Variants in CSMD1 observed in about 807,000 individuals in gnomAD.
The protein encoded by CSMD1 is CUB and sushi domain-containing protein 1.
A neutral mutation model predicts 417.5 loss-of-function variants in CSMD1; 213 were observed. That is an observed-to-expected ratio of 0.51 (90% CI 0.46 to 0.57). The LOEUF is 0.57. CSMD1 is among the 20% of genes least tolerant of loss of function. The pLI is 0.00. For missense variants in CSMD1, 6,923 were observed against 4,529.7 expected, an observed-to-expected ratio of 1.53 and a Z score of -15.17; for synonymous variants, 2,862 against 1,736.8, an observed-to-expected ratio of 1.65 and a Z score of -16.11.
chr8:4,687,991 C>T (rs147694091), intron 1 of CSMD1, among the ~76,000 whole-genome samples: 1 of 152,234 alleles, frequency 6.6e-6, no homozygotes, highest in East Asian at 1.9e-4. Context: ...CTTCTTGATT[C>T]TATCTGGTGT....
chr8:3,236,612 G>A (rs778900777), intron 26 of CSMD1, among the ~76,000 whole-genome samples: 1 of 152,192 alleles, frequency 6.6e-6, no homozygotes, highest in African/African-American at 2.4e-5. Context: ...CACTCCATTA[G>A]GGGCAGAAAC....
intron 8 of CSMD1, among the ~76,000 whole-genome samples, chr8:3,610,013 G>T (rs180954984): frequency 1.3e-5 from 2 of 151,620 alleles, no homozygotes; most frequent in African/African-American, 2.4e-5. Flanking sequence ...TGTTGGCCAG[G>T]CTGGTCTCAA....
rs566548269 is a variant in CSMD1 at position 4,374,836 on chromosome 8, G to C, written c.415+45117C>G. Among the ~76,000 whole-genome samples the C allele has an allele frequency of 4.6e-5, 7 of 152,040 alleles. No homozygotes were observed. In the South Asian group the frequency reaches 1.2e-3, roughly 27 times the overall value. On this transcript the variant is annotated intron_variant, in intron 3 of 69. Coordinates refer to ENST00000635120, the MANE Select transcript of CSMD1 (RefSeq NM_033225.6). ...AAAACGGCCTGCTGAGCAAAGTCTAGAGTGAATTTAAAGAACCTAGGGGCT... is the reference window on the plus strand; with the variant it reads ...AAAACGGCCTGCTGAGCAAAGTCTACAGTGAATTTAAAGAACCTAGGGGCT...
intron 1 of CSMD1, among the ~76,000 whole-genome samples, chr8:4,672,131 C>T (rs552420843): frequency 6.6e-6 from 1 of 152,358 alleles, no homozygotes; most frequent in South Asian, 2.1e-4. Context: ...CTTCCCATTG[C>T]ATGAGGCTCT....
intron 15 of CSMD1, among the ~76,000 whole-genome samples, chr8:3,399,954 A>T (rs1031101518): frequency 1.3e-5 from 2 of 152,180 alleles, no homozygotes; most frequent in Admixed American, 1.3e-4. Flanking sequence ...GTGTGTATGC[A>T]TGTGTTTATT....
intron 2 of CSMD1, among the ~76,000 whole-genome samples, chr8:4,586,867 C>T (rs1799725849): frequency 6.6e-6 from 1 of 152,110 alleles, no homozygotes. Flanking sequence ...TTTTTCTATC[C>T]AGTATCTGGC....
At chr8:3,989,135 C>T (rs1043987805) in intron 5 of CSMD1, among the ~76,000 whole-genome samples, 5 of 152,156 alleles carry the variant, frequency 3.3e-5, no homozygotes, top group Admixed American at 1.3e-4. Flanking sequence ...CTATGTGGGG[C>T]GGGCATTTTG....
intron 10 of CSMD1, among the ~76,000 whole-genome samples, chr8:3,538,051 G>A (rs1585325503): frequency 6.6e-6 from 1 of 152,202 alleles, no homozygotes; most frequent in Admixed American, 6.5e-5. Flanking sequence ...TAGATGTGCA[G>A]AACCTGATGG....
chr8:4,457,734 C>T (rs1231295381), intron 2 of CSMD1, among the ~76,000 whole-genome samples: 1 of 152,142 alleles, frequency 6.6e-6, no homozygotes, highest in East Asian at 1.9e-4. Context: ...ATGTGCTCCT[C>T]TGTATGGGAT....
intron 1 of CSMD1, among the ~76,000 whole-genome samples, chr8:4,728,890 A>G (rs1809652949): frequency 6.6e-6 from 1 of 152,182 alleles, no homozygotes; most frequent in African/African-American, 2.4e-5. Context: ...TATTGGAGGG[A>G]GAAAGAAGGA....
chr8:4,136,563 C>T (rs571139263), intron 3 of CSMD1, among the ~76,000 whole-genome samples: 3 of 152,302 alleles, frequency 2.0e-5, no homozygotes, highest in East Asian at 3.9e-4. Context: ...CAAAATGCCT[C>T]TAATTTACAG....
intron 1 of CSMD1, among the ~76,000 whole-genome samples, chr8:4,905,819 C>CAAAAAA (rs147276107): frequency 4.0e-4 from 38 of 94,318 alleles, no homozygotes; most frequent in African/African-American, 1.2e-3. Context: ...GACTCCATCT[C>CAAAAAA]AAAAAAAAAA....
chr8:4,232,469 G>A (rs1265811747), intron 3 of CSMD1, among the ~76,000 whole-genome samples: 2 of 152,128 alleles, frequency 1.3e-5, no homozygotes, highest in African/African-American at 4.8e-5. Context: ...AAAGTGCTGG[G>A]ATTACAGGCA....
chr8:3,537,074 G>T (rs1404168893), intron 10 of CSMD1, among the ~76,000 whole-genome samples: 2 of 151,996 alleles, frequency 1.3e-5, no homozygotes, highest in Admixed American at 1.3e-4. Context: ...CACTATCTCA[G>T]CTCACTGCCA....
At chr8:3,120,572 G>T (rs771613699) in intron 41 of CSMD1, among the ~76,000 whole-genome samples, 9 of 152,022 alleles carry the variant, frequency 5.9e-5, no homozygotes, top group Admixed American at 3.3e-4. Flanking sequence ...GTGCAGGCTG[G>T]GCTCGGTGGC....
At chr8:4,528,966 G>C (rs1796661684) in intron 2 of CSMD1, among the ~76,000 whole-genome samples, 1 of 152,156 alleles carries the variant, frequency 6.6e-6, no homozygotes. Flanking sequence ...ATTTTTGTTA[G>C]GTCTTTGTGA....
rs888786288 is a variant in CSMD1, at chr8:4,559,371, T to TA, written c.302+77970dup. On this transcript the variant is annotated intron_variant, in intron 2 of 69. Coordinates refer to ENST00000635120, the MANE Select transcript of CSMD1 (RefSeq NM_033225.6). ...ACTCTCTGGTTATGTTATAAAATAT[T>TA]AAAAAAAATCTTCATATACTATTTC... is the stretch of plus-strand genomic sequence containing the variant. 6.6e-5 allele frequency among the ~76,000 whole-genome samples: 10 copies of TA among 152,166 alleles called. No individual in the cohort carries two copies. In the South Asian group the frequency reaches 1.0e-3, roughly 16 times the overall value.
At chr8:4,960,811 A>T (rs1017245445) in intron 1 of CSMD1, among the ~76,000 whole-genome samples, 1 of 152,174 alleles carries the variant, frequency 6.6e-6, no homozygotes, top group Non-Finnish European at 1.5e-5. Flanking sequence ...TAAAATGGTA[A>T]AACTATTTTA....
At chr8:4,417,533 T>G (rs1308306715) in intron 3 of CSMD1, among the ~76,000 whole-genome samples, 1 of 152,080 alleles carries the variant, frequency 6.6e-6, no homozygotes, top group Non-Finnish European at 1.5e-5. Context: ...AAAACATGAA[T>G]TTATTATAAT....
Sources: gnomAD v4.1 joint callset for allele counts (sites outside exome capture counted in the v4.1 genomes callset) on GRCh38, gnomAD v4.1.1 for gene constraint, MANE v1.5 for transcripts, NCBI Gene and HGNC (gene_info 2026-07-23, HGNC 2026-07-21) for gene names.